The following ASIC2 variants were observed in gnomAD, a reference collection of about 807,000 sequenced individuals.
ASIC2 encodes the protein acid sensing ion channel subunit 2, also known as acid-sensing ion channel 2.
ASIC2 carries 25 observed loss-of-function variants against 57.3 expected under a neutral mutation model. That is an observed-to-expected ratio of 0.44 (90% CI 0.32 to 0.61). ASIC2 has a LOEUF of 0.61. Among genes scored for constraint, ASIC2 ranks in the 20% least tolerant of loss-of-function variants. The pLI, the probability that ASIC2 is intolerant of heterozygous loss-of-function variation, is 0.06. For missense variants in ASIC2, 641 were observed against 738.1 expected (o/e 0.87, Z 1.52); for synonymous variants, 319 against 307.5 (o/e 1.04, Z -0.39).
At chr17:33,501,795 T>G (rs1273391807) in intron 1 of ASIC2, among the ~76,000 whole-genome samples, 1 of 152,164 alleles carries the variant, frequency 6.6e-6, no homozygotes, top group African/African-American at 2.4e-5. Context: ...CCTAAAGAAT[T>G]AGTTCCTCAG....
chr17:33,162,931 T>C (rs1448535608), intron 1 of ASIC2, among the ~76,000 whole-genome samples: 2 of 152,242 alleles, frequency 1.3e-5, no homozygotes, highest in East Asian at 3.8e-4. Flanking sequence ...AATTTCCTTT[T>C]ATGAATCCCT....
chr17:33,344,344 C>G (rs530096053), intron 1 of ASIC2, among the ~76,000 whole-genome samples: 1 of 152,162 alleles, frequency 6.6e-6, no homozygotes, highest in African/African-American at 2.4e-5. Context: ...AAGACTCTTC[C>G]TGCAGCAGCA....
chr17:33,734,132 CAG>C (rs1909834541), intron 1 of ASIC2, among the ~76,000 whole-genome samples: 1 of 152,196 alleles, frequency 6.6e-6, no homozygotes, highest in Non-Finnish European at 1.5e-5. Context: ...GCATCTGCGC[CAG>C]GCTCTCTGCC....
At position 34,134,713 on chromosome 17, in the gene ASIC2, G is replaced by A. The variant is rs117955208; in HGVS notation, c.555+21265C>T. ...TACTCCAGAATCTGTTTCTATTTGC[G>A]CCAATCCCAAGATTAATCAGGTCTG... On this transcript the variant is annotated intron_variant, in intron 1 of 9. Coordinates refer to the ASIC2 transcript ENST00000359872. Among the ~76,000 whole-genome samples the A allele has an allele frequency of 9.5e-3, 1,450 of 152,176 alleles. 6 individuals carry two copies. Among genetic ancestry groups the A allele is most frequent in the Non-Finnish European group, 0.014 (968 of 68,006 alleles).
intron 3 of ASIC2, among the ~76,000 whole-genome samples, chr17:33,082,076 T>C (rs1417098701): frequency 6.6e-6 from 1 of 152,048 alleles, no homozygotes; most frequent in East Asian, 1.9e-4. Flanking sequence ...TCATTCCTGA[T>C]GGTTTCCAGC....
chr17:33,954,322 A>G (rs1476553787), intron 1 of ASIC2, among the ~76,000 whole-genome samples: 2 of 152,128 alleles, frequency 1.3e-5, no homozygotes, highest in Admixed American at 6.5e-5. Flanking sequence ...CCAATCACCC[A>G]TCAGCATGTG....
intron 1 of ASIC2, among the ~76,000 whole-genome samples, chr17:33,593,835 G>T (rs775699480): frequency 6.6e-6 from 1 of 152,172 alleles, no homozygotes; most frequent in African/African-American, 2.4e-5. Flanking sequence ...CACTTGCTAT[G>T]GTTCTTCATT....
intron 1 of ASIC2, among the ~76,000 whole-genome samples, chr17:33,954,234 G>A (rs1232940880): frequency 1.3e-5 from 2 of 152,208 alleles, no homozygotes; most frequent in East Asian, 3.9e-4. Flanking sequence ...GCAAAACCGT[G>A]CCCCAGCCCT....
chr17:33,120,092 A>G (rs561904236), intron 1 of ASIC2, among the ~76,000 whole-genome samples: 41 of 152,294 alleles, frequency 2.7e-4, no homozygotes, highest in African/African-American at 9.9e-4. Flanking sequence ...ACAGCTAAAG[A>G]GTAGTTTGCC....
At chr17:33,514,966 C>T (rs1353706025) in intron 1 of ASIC2, among the ~76,000 whole-genome samples, 3 of 152,238 alleles carry the variant, frequency 2.0e-5, no homozygotes, top group Non-Finnish European at 2.9e-5. Flanking sequence ...CTGCCAAACT[C>T]CGTGCCAGCC....
intron 1 of ASIC2, among the ~76,000 whole-genome samples, chr17:34,122,200 A>AC (rs1050993833): frequency 1.3e-5 from 2 of 152,018 alleles, no homozygotes; most frequent in African/African-American, 4.8e-5. Context: ...TCCTTTTCCT[A>AC]CCCACCCTGT....
intron 1 of ASIC2, among the ~76,000 whole-genome samples, chr17:34,099,855 G>C (rs1330020104): frequency 3.9e-5 from 6 of 152,210 alleles, no homozygotes; most frequent in Admixed American, 3.9e-4. Flanking sequence ...TTGTGACTTG[G>C]AATGAACACT....
intron 1 of ASIC2, among the ~76,000 whole-genome samples, chr17:33,648,872 T>C (rs886383950): frequency 2.6e-5 from 4 of 152,204 alleles, no homozygotes; most frequent in Non-Finnish European, 2.9e-5. Context: ...TGAGAACCCA[T>C]TTATGATGTT....
At chr17:33,527,974 G>A (rs1197112377) in intron 1 of ASIC2, among the ~76,000 whole-genome samples, 2 of 152,160 alleles carry the variant, frequency 1.3e-5, no homozygotes, top group Non-Finnish European at 2.9e-5. Flanking sequence ...GGAACTTCAT[G>A]GAGGCCCTAC....
intron 1 of ASIC2, among the ~76,000 whole-genome samples, chr17:33,847,220 T>C (rs1913633938): frequency 6.6e-6 from 1 of 151,726 alleles, no homozygotes; most frequent in African/African-American, 2.4e-5. Context: ...GGCTCTACCA[T>C]TGCTGTGCGT....
chr17:33,626,311 A>T (rs1354622507), intron 1 of ASIC2, among the ~76,000 whole-genome samples: 1 of 152,214 alleles, frequency 6.6e-6, no homozygotes, highest in African/African-American at 2.4e-5. Context: ...ATGGTTCTTA[A>T]GCTTTAATTA....
intron 1 of ASIC2, among the ~76,000 whole-genome samples, chr17:33,989,203 G>A (rs562096081): frequency 1.3e-5 from 2 of 152,186 alleles, no homozygotes; most frequent in East Asian, 1.9e-4. Context: ...TGATGGTAAG[G>A]TCAAGAGCTG....
chr17:33,594,222 G>T, intron 1 of ASIC2, among the ~76,000 whole-genome samples: 1 of 152,360 alleles, frequency 6.6e-6, no homozygotes, highest in African/African-American at 2.4e-5. Context: ...CCATCTATCA[G>T]ATGGCTGACT....
chr17:33,026,227 G>C (rs1232814150), intron 4 of ASIC2, among the ~76,000 whole-genome samples: 2 of 152,206 alleles, frequency 1.3e-5, no homozygotes, highest in African/African-American at 2.4e-5. Context: ...AGTAGGATCT[G>C]TATGGCTAAC....
Sources: gnomAD v4.1 joint callset for allele counts (sites outside exome capture counted in the v4.1 genomes callset) on GRCh38, gnomAD v4.1.1 for gene constraint, MANE v1.5 for transcripts, NCBI Gene and HGNC (gene_info 2026-07-23, HGNC 2026-07-21) for gene names.